Variants in PCDH15 observed in about 807,000 individuals in gnomAD.
PCDH15 encodes the protein protocadherin-15.
In PCDH15, 129 loss-of-function variants were observed where a neutral mutation model predicts 178.5. The ratio of observed to expected loss-of-function variants is 0.72; its 90% CI spans 0.63 to 0.84. PCDH15 has a LOEUF of 0.84. PCDH15 is among the 40% of genes least tolerant of loss of function. The pLI is 0.00. For synonymous variants in PCDH15, 800 were observed against 732.0 expected (o/e 1.09, Z -1.50); for missense variants, 2,230 against 2,099.9 (o/e 1.06, Z -1.21).
chr10:54,558,612 T>A (rs1276014603), intron 2 of PCDH15, among the ~76,000 whole-genome samples: 1 of 152,120 alleles, frequency 6.6e-6, no homozygotes, highest in Non-Finnish European at 1.5e-5. Flanking sequence ...CTCTTACCTA[T>A]TGTAGTAACT....
chr10:55,582,226 G>C (rs1842629363), intron 2 of PCDH15, among the ~76,000 whole-genome samples: 1 of 152,120 alleles, frequency 6.6e-6, no homozygotes, highest in Non-Finnish European at 1.5e-5. Flanking sequence ...CATCCCTGCT[G>C]AGAAGCTCAT....
At chr10:55,336,124 G>GAAAAAAAAAAA (rs748988261) in intron 2 of PCDH15, among the ~76,000 whole-genome samples, 8 of 59,276 alleles carry the variant, frequency 1.3e-4, no homozygotes, top group African/African-American at 4.1e-4. Flanking sequence ...CTTGGTATTT[G>GAAAAAAAAAAA]AAAAAAAAAA....
intron 3 of PCDH15, among the ~76,000 whole-genome samples, chr10:54,488,474 G>A (rs745341286): frequency 7.3e-5 from 11 of 151,608 alleles, no homozygotes; most frequent in African/African-American, 9.7e-5. Context: ...GTGTATGGCC[G>A]TCAGATATCA....
chr10:54,173,126 A>G (rs996192654), intron 13 of PCDH15, among the ~76,000 whole-genome samples: 4 of 152,198 alleles, frequency 2.6e-5, no homozygotes, highest in African/African-American at 9.6e-5. Flanking sequence ...ATAAGCCCTA[A>G]GGTTTTAAGA....
chr10:54,965,233 G>T (rs1838753012), intron 2 of PCDH15, among the ~76,000 whole-genome samples: 1 of 152,066 alleles, frequency 6.6e-6, no homozygotes, highest in Non-Finnish European at 1.5e-5. Flanking sequence ...GGCATGGTTT[G>T]GTTGTGGCCC....
At chr10:54,770,249 C>A (rs1271227810) in intron 1 of PCDH15, among the ~76,000 whole-genome samples, 1 of 152,062 alleles carries the variant, frequency 6.6e-6, no homozygotes, top group Non-Finnish European at 1.5e-5. Context: ...AAATTATGAC[C>A]TTGATACCAT....
intron 18 of PCDH15, among the ~76,000 whole-genome samples, chr10:54,046,049 C>T (rs1911408): frequency 0.84 from 127,174 of 152,132 alleles, 53,693 homozygotes; most frequent in African/African-American, 0.95. Flanking sequence ...ATAGGCATTT[C>T]GGAAAAGACG....
chr10:54,833,507 A>G (rs1385233003), intron 3 of PCDH15, among the ~76,000 whole-genome samples: 1 of 152,216 alleles, frequency 6.6e-6, no homozygotes. Context: ...AACTTCAACA[A>G]TGAAACCTTT....
intron 8 of PCDH15, among the ~76,000 whole-genome samples, chr10:54,246,944 T>G (rs73252365): frequency 6.6e-6 from 1 of 152,070 alleles, no homozygotes; most frequent in African/African-American, 2.4e-5. Flanking sequence ...CTTGGACATT[T>G]GTAAAGTGCT....
chr10:54,795,492 T>TA (rs1020703593), intron 1 of PCDH15, among the ~76,000 whole-genome samples: 2 of 151,954 alleles, frequency 1.3e-5, no homozygotes, highest in African/African-American at 4.8e-5. Context: ...TGTTTCATAT[T>TA]AAAAAACCAA....
intron 8 of PCDH15, among the ~76,000 whole-genome samples, chr10:54,311,638 T>A (rs2060917159): frequency 6.6e-6 from 1 of 152,082 alleles, no homozygotes. Context: ...TAGAAATTTA[T>A]CAAATTAATA....
chr10:55,321,355 C>A (rs954678720), upstream of PCDH15, among the ~76,000 whole-genome samples: 17 of 151,936 alleles, frequency 1.1e-4, no homozygotes, highest in Non-Finnish European at 2.9e-5. Context: ...TATAAAGAGA[C>A]CAAGTCTATG....
At chr10:54,777,847 C>T (rs962341271) in intron 1 of PCDH15, among the ~76,000 whole-genome samples, 45 of 152,058 alleles carry the variant, frequency 3.0e-4, no homozygotes, top group African/African-American at 1.1e-3. Context: ...GAAACGAGGG[C>T]CTCTTAAGAG....
chr10:54,890,486 T>C (rs1432330931), intron 3 of PCDH15, among the ~76,000 whole-genome samples: 1 of 152,048 alleles, frequency 6.6e-6, no homozygotes, highest in Admixed American at 6.6e-5. Context: ...AATTTCTACT[T>C]AACACATACT....
At chr10:54,877,918 T>TTCTCTTTCTC (rs1322343731) in intron 3 of PCDH15, among the ~76,000 whole-genome samples, 2 of 143,518 alleles carry the variant, frequency 1.4e-5, no homozygotes, top group African/African-American at 5.0e-5. Flanking sequence ...AATTCTCTTA[T>TTCTCTTTCTC]TCTCTTTCTC....
At chr10:53,898,611 A>C (rs1248932643) in intron 26 of PCDH15, among the ~76,000 whole-genome samples, 2 of 152,164 alleles carry the variant, frequency 1.3e-5, no homozygotes, top group Admixed American at 1.3e-4. Context: ...TCATGTACTT[A>C]AATGTGACAT....
intron 3 of PCDH15, among the ~76,000 whole-genome samples, chr10:54,396,844 A>T (rs984193979): frequency 6.6e-5 from 10 of 152,284 alleles, no homozygotes; most frequent in African/African-American, 2.4e-4. Flanking sequence ...TGACAATTCA[A>T]GTATGGATAT....
chr10:55,255,932 G>T (rs1372770245), intron 1 of PCDH15, among the ~76,000 whole-genome samples: 1 of 152,104 alleles, frequency 6.6e-6, no homozygotes, highest in Non-Finnish European at 1.5e-5. Context: ...TTCTTTTGCT[G>T]TGCAGAAGCT....
chr10:55,339,271 A>T (rs925950438), intron 2 of PCDH15, among the ~76,000 whole-genome samples: 1 of 147,384 alleles, frequency 6.8e-6, no homozygotes, highest in Non-Finnish European at 1.5e-5. Flanking sequence ...ACATACAACA[A>T]TTATGTAACC....
Sources: gnomAD v4.1 joint callset for allele counts (sites outside exome capture counted in the v4.1 genomes callset) on GRCh38, gnomAD v4.1.1 for gene constraint, MANE v1.5 for transcripts, NCBI Gene and HGNC (gene_info 2026-07-23, HGNC 2026-07-21) for gene names.